Variants in CCSER1 observed in about 807,000 individuals in gnomAD.
CCSER1 encodes the protein serine-rich coiled-coil domain-containing protein 1.
A neutral mutation model predicts 82.0 loss-of-function variants in CCSER1; 41 were observed. That is an observed-to-expected ratio of 0.50 (90% CI 0.39 to 0.65). The LOEUF (loss-of-function observed/expected upper bound fraction) is 0.65. Among genes scored for constraint, CCSER1 ranks in the 30% least tolerant of loss-of-function variants. The pLI, the probability that CCSER1 is intolerant of heterozygous loss-of-function variation, is 0.00. For missense variants in CCSER1, 1,119 were observed against 1,064.2 expected (o/e 1.05, Z -0.72); for synonymous variants, 414 against 383.9 (o/e 1.08, Z -0.92).
Position 90,392,192 on chromosome 4 carries a change from A to T in CCSER1, c.1510-7844A>T, listed in dbSNP as rs543206188. 1.3e-4 allele frequency among the ~76,000 whole-genome samples: 20 copies of T among 152,116 alleles called. 1 individual carries two copies. The South Asian group carries it at 4.1e-3, about 32-fold the overall frequency. The stretch of plus-strand genomic sequence containing the variant: ...TTAACTTTGAAATAGGAAGTTTTCT[A>T]CTTAAGTAATATATTTATACTCATC... On this transcript the variant is annotated intron_variant, in intron 3 of 10. Transcript: ENST00000509176.
chr4:91,391,547 C>T (rs779106281), intron 10 of CCSER1, among the ~76,000 whole-genome samples: 12 of 152,076 alleles, frequency 7.9e-5, no homozygotes, highest in African/African-American at 1.7e-4. Context: ...GTGATCTACC[C>T]GCCATGTCCT....
At chr4:90,177,289 G>A (rs917242860) in intron 1 of CCSER1, among the ~76,000 whole-genome samples, 1 of 152,096 alleles carries the variant, frequency 6.6e-6, no homozygotes, top group African/African-American at 2.4e-5. Context: ...TCTGACAGCT[G>A]ATCTTTTCAA....
intron 10 of CCSER1, among the ~76,000 whole-genome samples, chr4:91,459,737 C>G (rs536975311): frequency 5.9e-5 from 9 of 152,250 alleles, no homozygotes; most frequent in African/African-American, 2.2e-4. Context: ...GCTCAAATGT[C>G]TGTGGCCTTA....
intron 7 of CCSER1, among the ~76,000 whole-genome samples, chr4:90,806,949 A>G (rs766632263): frequency 5.9e-5 from 9 of 151,656 alleles, no homozygotes; most frequent in Non-Finnish European, 1.3e-4. Flanking sequence ...ATTCCTGGAG[A>G]ACCAACTTGT....
intron 10 of CCSER1, among the ~76,000 whole-genome samples, chr4:91,541,934 A>T (rs1761620830): frequency 1.3e-5 from 2 of 152,072 alleles, no homozygotes; most frequent in Non-Finnish European, 2.9e-5. Context: ...ATGGTGTGAG[A>T]TGTTATCTCA....
intron 6 of CCSER1, among the ~76,000 whole-genome samples, chr4:90,650,635 C>T (rs1728586983): frequency 6.6e-6 from 1 of 152,162 alleles, no homozygotes; most frequent in Admixed American, 6.5e-5. Context: ...ACTCAGCATG[C>T]TTATAAATAG....
chr4:90,731,433 A>G (rs1430716588), intron 7 of CCSER1, among the ~76,000 whole-genome samples: 1 of 152,192 alleles, frequency 6.6e-6, no homozygotes, highest in African/African-American at 2.4e-5. Context: ...AATATATTTT[A>G]TCTGCCAGAT....
intron 4 of CCSER1, among the ~76,000 whole-genome samples, chr4:90,403,421 C>T (rs1292975433): frequency 6.8e-6 from 1 of 147,684 alleles, no homozygotes; most frequent in Non-Finnish European, 1.5e-5. Flanking sequence ...ATGGCGTGAA[C>T]CCGGGAGGCG....
At chr4:90,213,138 T>C (rs1327045384) in intron 1 of CCSER1, among the ~76,000 whole-genome samples, 1 of 152,112 alleles carries the variant, frequency 6.6e-6, no homozygotes, top group African/African-American at 2.4e-5. Context: ...GAAAATACCC[T>C]GATAGCAGGG....
At chr4:90,672,772 C>T (rs10004212) in intron 6 of CCSER1, among the ~76,000 whole-genome samples, 17,780 of 151,842 alleles carry the variant, frequency 0.12, 1,385 homozygotes, top group East Asian at 0.31. Context: ...AACACTTAGA[C>T]GCCATTGTAG....
intron 5 of CCSER1, among the ~76,000 whole-genome samples, chr4:90,481,622 G>C (rs947193575): frequency 6.6e-6 from 1 of 152,202 alleles, no homozygotes; most frequent in African/African-American, 2.4e-5. Context: ...CATCTATTGA[G>C]ATAATCATGT....
At chr4:91,068,910 T>G (rs1223379939) in intron 9 of CCSER1, among the ~76,000 whole-genome samples, 1 of 152,118 alleles carries the variant, frequency 6.6e-6, no homozygotes, top group Non-Finnish European at 1.5e-5. Context: ...TGGCCAGGCA[T>G]GGTGGCTCAT....
intron 4 of CCSER1, among the ~76,000 whole-genome samples, chr4:90,438,842 T>C (rs1759434926): frequency 6.6e-6 from 1 of 152,156 alleles, no homozygotes; most frequent in Non-Finnish European, 1.5e-5. Context: ...TGCCCTTTGA[T>C]TCTGAATCAT....
chr4:90,536,044 T>TTTA (rs1553936059), intron 5 of CCSER1, among the ~76,000 whole-genome samples: 2 of 148,980 alleles, frequency 1.3e-5, no homozygotes, highest in African/African-American at 4.9e-5. Flanking sequence ...TTTTTTTTTT[T>TTTA]TTTTTTGAGA....
intron 8 of CCSER1, among the ~76,000 whole-genome samples, chr4:90,887,992 G>A (rs1722406636): frequency 6.6e-6 from 1 of 152,114 alleles, no homozygotes. Flanking sequence ...AATGTAGTGG[G>A]TGCAACGGAG....
intron 1 of CCSER1, among the ~76,000 whole-genome samples, chr4:90,306,530 C>T (rs1037926): frequency 0.44 from 66,693 of 151,796 alleles, 14,748 homozygotes; most frequent in South Asian, 0.56. Flanking sequence ...AATCATCCAT[C>T]AAAAATCTTA....
intron 9 of CCSER1, among the ~76,000 whole-genome samples, chr4:90,934,351 A>C (rs890023980): frequency 6.6e-6 from 1 of 152,220 alleles, no homozygotes; most frequent in Non-Finnish European, 1.5e-5. Flanking sequence ...GAAAATAAAC[A>C]TAACTATGAA....
intron 3 of CCSER1, among the ~76,000 whole-genome samples, chr4:90,370,933 T>C (rs1747290001): frequency 6.6e-6 from 1 of 152,102 alleles, no homozygotes; most frequent in Admixed American, 6.6e-5. Flanking sequence ...TAACATTGGC[T>C]TAAATGGCTT....
At chr4:90,807,209 A>G (rs1757635831) in intron 7 of CCSER1, among the ~76,000 whole-genome samples, 1 of 152,150 alleles carries the variant, frequency 6.6e-6, no homozygotes, top group African/African-American at 2.4e-5. Flanking sequence ...CATGATTATT[A>G]TCTTACCTGC....
Sources: allele counts gnomAD v4.1 joint callset (sites outside exome capture counted in the v4.1 genomes callset), GRCh38; gene constraint gnomAD v4.1.1; transcripts MANE v1.5; gene names NCBI Gene and HGNC (gene_info 2026-07-23, HGNC 2026-07-21).